The following XPO6 variants were observed in gnomAD, a reference collection of about 807,000 sequenced individuals.
The protein encoded by XPO6 is exportin 6, also known as exportin-6.
XPO6 carries 3 observed loss-of-function variants against 130.0 expected under a neutral mutation model. That is an observed-to-expected ratio of 0.02 (90% CI 0.01 to 0.06). The LOEUF (loss-of-function observed/expected upper bound fraction) is 0.06, where lower values mean the gene tolerates loss of function less well. Among genes scored for constraint, XPO6 ranks in the 10% least tolerant of loss-of-function variants. The pLI, the probability that XPO6 is intolerant of heterozygous loss-of-function variation, is 1.00. For missense variants in XPO6, 970 were observed against 1,393.0 expected, an observed-to-expected ratio of 0.70 and a Z score of 4.83; for synonymous variants, 524 against 548.9, an observed-to-expected ratio of 0.95 and a Z score of 0.63.
chr16:28,141,909 A>G (rs75069044), intron 9 of XPO6, among the ~76,000 whole-genome samples: 8,939 of 152,354 alleles, frequency 0.059, 660 homozygotes, highest in East Asian at 0.17. Flanking sequence ...GCAGCGAGCC[A>G]AGATCGCGCC....
At chr16:28,115,808 G>A (rs190672521) in intron 15 of XPO6, among the ~76,000 whole-genome samples, 9 of 152,354 alleles carry the variant, frequency 5.9e-5, no homozygotes, top group African/African-American at 1.9e-4. Context: ...GCCACCTTCA[G>A]CAGTGATCTA....
At chr16:28,108,372 A>C (rs2086832343) in intron 17 of XPO6, among the ~76,000 whole-genome samples, 1 of 152,230 alleles carries the variant, frequency 6.6e-6, no homozygotes, top group Non-Finnish European at 1.5e-5. Context: ...GAGGTCAGAG[A>C]GCCCTGGCTA....
intron 23 of XPO6, among the ~76,000 whole-genome samples, chr16:28,099,882 A>T (rs1472604482): frequency 1.3e-5 from 2 of 152,190 alleles, no homozygotes; most frequent in Non-Finnish European, 2.9e-5. Context: ...CAACTAAGGG[A>T]TGTCTTTTAA....
At chr16:28,147,564 C>A (rs2043007250) in intron 8 of XPO6, among the ~76,000 whole-genome samples, 1 of 152,180 alleles carries the variant, frequency 6.6e-6, no homozygotes, top group Non-Finnish European at 1.5e-5. Flanking sequence ...AGTCCTGTCT[C>A]TACCTCATAC....
intron 1 of XPO6, among the ~76,000 whole-genome samples, chr16:28,205,317 C>T (rs781416176): frequency 3.9e-5 from 6 of 152,292 alleles, no homozygotes; most frequent in South Asian, 2.1e-4. Context: ...TCACACCTAT[C>T]ATTTTCTATT....
chr16:28,102,925 G>GC (rs1194212587), intron 21 of XPO6, among the ~76,000 whole-genome samples: 1 of 152,080 alleles, frequency 6.6e-6, no homozygotes, highest in Non-Finnish European at 1.5e-5. Flanking sequence ...CTGTCCCTGG[G>GC]CCCCTAAGCT....
chr16:28,203,186 G>C (rs535181336), intron 1 of XPO6, among the ~76,000 whole-genome samples: 166 of 151,690 alleles, frequency 1.1e-3, no homozygotes, highest in African/African-American at 3.8e-3. Flanking sequence ...GAGGTGGGAG[G>C]ATCGCGTGAG....
chr16:28,117,315 G>A lies in XPO6; in HGVS notation c.2004+3C>T, dbSNP rs557604866. The stretch of plus-strand genomic sequence containing the variant: ...AAAGGTGTAGGCTTTGCTGTTTCGA[G>A]ACCTTGGTGCTGATTAGAGGTGTGA... On this transcript the variant is annotated splice_donor_region_variant and intron_variant, in intron 15 of 23. Transcript: ENST00000304658. 3 of 1,613,818 alleles carry A rather than the reference G, an allele frequency of 1.9e-6. No homozygotes were observed. In the Admixed American group the frequency reaches 5.0e-5, roughly 27 times the overall value.
At chr16:28,166,845 T>C (rs1435662451) in intron 5 of XPO6, 1 of 983,358 alleles carries the variant, frequency 1.0e-6, no homozygotes, top group Non-Finnish European at 1.2e-6. Context: ...AGTCACCTGG[T>C]TGCTGCATGC....
chr16:28,162,708 A>G (rs2043295824), intron 6 of XPO6, among the ~76,000 whole-genome samples: 1 of 151,708 alleles, frequency 6.6e-6, no homozygotes, highest in Non-Finnish European at 1.5e-5. Flanking sequence ...GACTACAGGC[A>G]GGAGCCACCA....
chr16:28,107,728 G>C, intron 17 of XPO6, 51 bp from the exon 18 acceptor site: 1 of 1,599,224 alleles, frequency 6.3e-7, no homozygotes, highest in Non-Finnish European at 8.5e-7. Context: ...GAGAAAGCAT[G>C]GTAAGAGGAG....
At chr16:28,130,891 A>G (rs1429485949) in intron 12 of XPO6, among the ~76,000 whole-genome samples, 3 of 152,212 alleles carry the variant, frequency 2.0e-5, no homozygotes, top group Admixed American at 6.5e-5. Flanking sequence ...ACAAAAGTAA[A>G]CAGGACACTG....
chr16:28,177,430 T>C (rs2141865140), intron 2 of XPO6, 98 bp from the exon 3 acceptor site: 1 of 641,762 alleles, frequency 1.6e-6, no homozygotes, highest in Non-Finnish European at 2.7e-6. Context: ...TCTCTCTGCA[T>C]ATAATGTAAA....
intron 9 of XPO6, among the ~76,000 whole-genome samples, chr16:28,136,721 T>TA (rs1240632155): frequency 6.6e-6 from 1 of 152,210 alleles, no homozygotes; most frequent in East Asian, 1.9e-4. Flanking sequence ...GATACCAAGT[T>TA]ATAAGCAACA....
intron 4 of XPO6, 148 bp from the exon 5 acceptor site, chr16:28,170,057 C>G (rs9927275): frequency 0.32 from 341,103 of 1,070,136 alleles, 61,231 homozygotes; most frequent in African/African-American, 0.69. Context: ...TAGAGGCCAG[C>G]TCCAATGGCT....
At chr16:28,151,982 C>T (rs2043099356) in intron 8 of XPO6, among the ~76,000 whole-genome samples, 1 of 152,176 alleles carries the variant, frequency 6.6e-6, no homozygotes, top group South Asian at 2.1e-4. Flanking sequence ...ATTCACTGAA[C>T]ATCACTGAGT....
intron 9 of XPO6, among the ~76,000 whole-genome samples, chr16:28,136,519 C>T (rs570543923): frequency 1.3e-5 from 2 of 152,308 alleles, no homozygotes; most frequent in East Asian, 1.9e-4. Flanking sequence ...CGCCCAGCAC[C>T]AATGGGTTTT....
chr16:28,113,509 G>C (rs2086981489), intron 15 of XPO6, among the ~76,000 whole-genome samples: 1 of 152,132 alleles, frequency 6.6e-6, no homozygotes, highest in South Asian at 2.1e-4. Flanking sequence ...TCAAATACTT[G>C]GTTCAATTAC....
At chr16:28,168,056 A>G (rs2043386225) in intron 5 of XPO6, among the ~76,000 whole-genome samples, 1 of 152,232 alleles carries the variant, frequency 6.6e-6, no homozygotes, top group Non-Finnish European at 1.5e-5. Flanking sequence ...AAAGCCGGTC[A>G]ATATTGCACT....
Sources: gnomAD v4.1 joint callset for allele counts (sites outside exome capture counted in the v4.1 genomes callset) on GRCh38, gnomAD v4.1.1 for gene constraint, MANE v1.5 for transcripts, NCBI Gene and HGNC (gene_info 2026-07-23, HGNC 2026-07-21) for gene names.